Variants in PKD2L2 observed in about 807,000 individuals in gnomAD.
The protein encoded by PKD2L2 is polycystin 2 like 2, transient receptor potential cation channel, also known as polycystin-2-like protein 2.
Under a neutral mutation model 83.9 loss-of-function variants are expected in PKD2L2, and 67 were observed. The ratio of observed to expected loss-of-function variants is 0.80; its 90% CI spans 0.66 to 0.98. The LOEUF is 0.98. PKD2L2 is among the 50% of genes least tolerant of loss of function. The pLI, the probability that PKD2L2 is intolerant of heterozygous loss-of-function variation, is 0.00. For missense variants in PKD2L2, 632 were observed against 717.2 expected, an observed-to-expected ratio of 0.88 and a Z score of 1.36; for synonymous variants, 223 against 237.8, an observed-to-expected ratio of 0.94 and a Z score of 0.57.
intron 8 of PKD2L2, among the ~76,000 whole-genome samples, chr5:137,917,216 G>A (rs183739449): frequency 6.8e-6 from 1 of 146,254 alleles, no homozygotes; most frequent in East Asian, 2.0e-4. Flanking sequence ...CCAGGCTGGA[G>A]TGCAGTGGTG....
At chr5:137,929,660 A>C (rs1202888011) in intron 12 of PKD2L2, among the ~76,000 whole-genome samples, 2 of 151,868 alleles carry the variant, frequency 1.3e-5, no homozygotes, top group Admixed American at 1.3e-4. Flanking sequence ...AATTTACTTA[A>C]AAAGAAAAAT....
chr5:137,928,416 C>A (rs887832224), intron 12 of PKD2L2, among the ~76,000 whole-genome samples: 3 of 149,452 alleles, frequency 2.0e-5, no homozygotes, highest in African/African-American at 7.4e-5. Context: ...TAAAGAATAT[C>A]ATTTAGAATT....
chr5:137,940,635 GA>G (rs1761426531), intron 14 of PKD2L2, among the ~76,000 whole-genome samples: 1 of 152,194 alleles, frequency 6.6e-6, no homozygotes, highest in Non-Finnish European at 1.5e-5. Flanking sequence ...TCCAGTGCTA[GA>G]CTCTGCCAGG....
At chr5:137,922,290 C>G (rs1214487229) in intron 9 of PKD2L2, among the ~76,000 whole-genome samples, 12 of 152,202 alleles carry the variant, frequency 7.9e-5, no homozygotes, top group African/African-American at 2.2e-4. Flanking sequence ...AGACAAGAGT[C>G]TTAGGGTGAC....
At chr5:137,889,677 A>G (rs1292110062) in intron 1 of PKD2L2, among the ~76,000 whole-genome samples, 155 bp downstream of exon 1, 3 of 152,202 alleles carry the variant, frequency 2.0e-5, no homozygotes, top group Non-Finnish European at 4.4e-5. Context: ...AGAGGGACAG[A>G]TGGTCCCATT....
intron 4 of PKD2L2, among the ~76,000 whole-genome samples, chr5:137,898,066 A>G (rs1458066738): frequency 1.3e-5 from 2 of 151,708 alleles, no homozygotes; most frequent in Non-Finnish European, 2.9e-5. Flanking sequence ...TCCTGGGTTC[A>G]AGAGATTCTC....
At chr5:137,928,816 C>T (rs936161945) in intron 12 of PKD2L2, among the ~76,000 whole-genome samples, 8 of 152,204 alleles carry the variant, frequency 5.3e-5, no homozygotes, top group Admixed American at 3.3e-4. Context: ...GCGATCCTCC[C>T]GCCTTGGCCT....
intron 8 of PKD2L2, among the ~76,000 whole-genome samples, chr5:137,909,156 C>A (rs922791273): frequency 6.6e-6 from 1 of 152,090 alleles, no homozygotes; most frequent in Admixed American, 6.6e-5. Flanking sequence ...CCTCAGCCTC[C>A]CAAGTAGCTA....
chr5:137,906,980 T>G (rs551421775), intron 6 of PKD2L2, among the ~76,000 whole-genome samples: 1 of 152,278 alleles, frequency 6.6e-6, no homozygotes, highest in East Asian at 1.9e-4. Flanking sequence ...GTCAATGAAA[T>G]GCACTGAAAT....
chr5:137,893,265 AC>A (rs1357340627), intron 3 of PKD2L2, among the ~76,000 whole-genome samples: 2 of 152,144 alleles, frequency 1.3e-5, no homozygotes, highest in African/African-American at 4.8e-5. Context: ...TATATGTGTT[AC>A]AGTAAGGTAC....
At chr5:137,909,604 G>A (rs1052260968) in intron 8 of PKD2L2, among the ~76,000 whole-genome samples, 4 of 147,754 alleles carry the variant, frequency 2.7e-5, no homozygotes, top group East Asian at 2.0e-4. Flanking sequence ...GACTACACTG[G>A]CGTTATCACA....
At chr5:137,893,297 T>C (rs1017639582) in intron 3 of PKD2L2, among the ~76,000 whole-genome samples, 3 of 152,186 alleles carry the variant, frequency 2.0e-5, no homozygotes, top group Admixed American at 2.0e-4. Flanking sequence ...AAAATTTATA[T>C]ATAAGAATAT....
intron 8 of PKD2L2, among the ~76,000 whole-genome samples, chr5:137,916,425 T>C (rs1369444944): frequency 1.3e-5 from 2 of 151,970 alleles, no homozygotes; most frequent in African/African-American, 4.8e-5. Flanking sequence ...CTCCCTCACT[T>C]TTGAAGGAGA....
intron 5 of PKD2L2, among the ~76,000 whole-genome samples, chr5:137,905,733 GAAGC>G (rs2150018230): frequency 6.6e-6 from 1 of 152,234 alleles, no homozygotes; most frequent in East Asian, 1.9e-4. Context: ...TTGACATTTA[GAAGC>G]AAGAAGCATT....
At position 137,907,760 on chromosome 5, in the gene PKD2L2, T is replaced by C; in HGVS notation, c.994T>C (p.Ser332Pro). The change falls in exon 7 of 15, where the codon TCC (serine) becomes CCC (proline). Residue 332 changes from serine (S) to proline (P), a missense_variant. Transcript: ENST00000508883. ...LLLLLCFVAV[S>P]FNTYYNVQIF... ...CATTTAGTTGTGTTTTGTGGCTGTTTCCTTCAACACATACTATAATGTACA... is the reference window on the plus strand; with the variant it reads ...CATTTAGTTGTGTTTTGTGGCTGTTCCCTTCAACACATACTATAATGTACA... 1 of 1,513,950 alleles carries C rather than the reference T, an allele frequency of 6.6e-7. No individual in the cohort carries two copies. Among genetic ancestry groups the C allele is most frequent in the Admixed American group, 2.0e-5 (1 of 49,518 alleles). The allele number at this position is 1,513,950 out of a possible 1,614,324, so 93.8% of individuals were successfully genotyped here. A position where few individuals can be genotyped will look rare whatever the true frequency, so the allele number is the denominator to read the frequency against.
chr5:137,907,705 T>C, intron 6 of PKD2L2, 37 bp from the exon 7 acceptor site: 1 of 1,231,086 alleles, frequency 8.1e-7, no homozygotes, highest in East Asian at 2.5e-5. Flanking sequence ...GAGGTAGAGA[T>C]ATTCTCTAAT....
At chr5:137,918,944 ATGTGTGTG>A (rs67036547) in intron 8 of PKD2L2, among the ~76,000 whole-genome samples, 4 of 146,218 alleles carry the variant, frequency 2.7e-5, no homozygotes, top group African/African-American at 5.0e-5. Flanking sequence ...GGCCTGCACA[ATGTGTGTG>A]TGTGTGTGTG....
intron 8 of PKD2L2, among the ~76,000 whole-genome samples, chr5:137,919,179 G>T (rs1758663281): frequency 6.6e-6 from 1 of 152,110 alleles, no homozygotes; most frequent in Non-Finnish European, 1.5e-5. Flanking sequence ...CAATAAGGGA[G>T]AACTCTATCT....
In PKD2L2 at chr5:137,925,097, A is replaced by G; in HGVS notation, c.1609A>G (p.Lys537Glu). The stretch of plus-strand genomic sequence containing the variant: ...GAAGAAAGCTCAAAAAGATGAAGAC[A>G]AGAAAACGTAAGATGACTTCTCTCA... The part of the protein sequence containing the change: ...RLKKAQKDED[K>E]KTKGSGDLAE... Residue 537 changes from lysine to glutamate, a missense_variant, in exon 11 of 15, where the codon AAG (lysine) becomes GAG (glutamate). Around this residue, in one of 3 missense-constraint regions of PKD2L2, gnomAD observed 399 missense variants for 416.9 expected, o/e 0.96. Transcript: ENST00000508883. 6.3e-7 allele frequency: 1 copy of G among 1,582,490 alleles called. No homozygotes were observed. Among genetic ancestry groups the G allele is most frequent in the Non-Finnish European group, 8.7e-7 (1 of 1,151,580 alleles).
Sources: gnomAD v4.1 joint callset for allele counts (sites outside exome capture counted in the v4.1 genomes callset) on GRCh38, gnomAD v4.1.1 for gene constraint, gnomAD v4.1.1 regional missense constraint, MANE v1.5 for transcripts, NCBI Gene and HGNC (gene_info 2026-07-23, HGNC 2026-07-21) for gene names.